The following POGK variants were observed in gnomAD, a reference collection of about 807,000 sequenced individuals.
POGK encodes pogo transposable element derived with KRAB domain, also known as pogo transposable element with KRAB domain.
A neutral mutation model predicts 54.4 loss-of-function variants in POGK; 16 were observed. The ratio of observed to expected loss-of-function variants is 0.29; its 90% CI spans 0.20 to 0.45. The LOEUF (loss-of-function observed/expected upper bound fraction) is 0.45. POGK is among the 20% of genes least tolerant of loss of function. The probability of loss-of-function intolerance (pLI) is 1.00; values close to 1 mark genes in which losing one functional copy is unlikely to be tolerated. For missense variants in POGK, 515 were observed against 795.6 expected, an observed-to-expected ratio of 0.65 and a Z score of 4.24; for synonymous variants, 271 against 302.2, an observed-to-expected ratio of 0.90 and a Z score of 1.07.
rs147957739 is a variant in POGK at position 166,855,033 on chromosome 1, G to A, written c.*2463G>A. 5.4e-4 allele frequency: 81 copies of A among 150,826 alleles called. No individual in the cohort carries two copies. The highest frequency in any genetic ancestry group is 1.9e-3 in the African/African-American group (77 of 40,168). 9.3% of individuals were successfully genotyped at this position (150,826 alleles called of 1,614,324 possible). A position where few individuals can be genotyped will look rare whatever the true frequency, so the allele number is the denominator to read the frequency against. ...ATGGTAGGACACGGCATTTACCTGT[G>A]GTCATCACTTCAGGCAATGGAAAGG... is the stretch of plus-strand genomic sequence containing the variant. On this transcript the variant is annotated 3_prime_UTR_variant, in exon 6 of 6. Transcript: ENST00000367876.
intron 2 of POGK, among the ~76,000 whole-genome samples, chr1:166,844,726 A>G (rs1412516944): frequency 6.6e-6 from 1 of 152,250 alleles, no homozygotes; most frequent in East Asian, 1.9e-4. Context: ...GAGTAAGTAC[A>G]GGTCCTGCTT....
At chr1:166,841,451 T>G (rs927704672) in intron 2 of POGK, among the ~76,000 whole-genome samples, 1 of 152,154 alleles carries the variant, frequency 6.6e-6, no homozygotes, top group Non-Finnish European at 1.5e-5. Flanking sequence ...TAAATAAGAC[T>G]CGAGTCATTG....
chr1:166,855,007 C>G lies in POGK; in HGVS notation c.*2437C>G, dbSNP rs907273549. 1.3e-5 allele frequency: 2 copies of G among 152,178 alleles called. No homozygotes were observed. The highest frequency in any genetic ancestry group is 4.8e-5 in the African/African-American group (2 of 41,434). 9.4% of individuals were successfully genotyped at this position (152,178 alleles called of 1,614,324 possible). A position where few individuals can be genotyped will look rare whatever the true frequency, so the allele number is the denominator to read the frequency against. On this transcript the variant is annotated 3_prime_UTR_variant, in exon 6 of 6. Coordinates refer to ENST00000367876, the MANE Select transcript of POGK (RefSeq NM_017542.5). ...GAGGCATTTTGGAATGAGTCAAAGG[C>G]ATGGTAGGACACGGCATTTACCTGT... is the stretch of plus-strand genomic sequence containing the variant.
Position 166,846,694 on chromosome 1 carries a change from A to G in POGK, c.215A>G (p.Tyr72Cys), listed in dbSNP as rs1413886754. The G allele has an allele frequency of 6.2e-7, 1 of 1,614,140 alleles. No homozygotes were observed. Among genetic ancestry groups the G allele is most frequent in the East Asian group, 2.2e-5 (1 of 44,880 alleles). Residue 72 changes from tyrosine to cysteine, a missense_variant, in exon 3 of 6, where the codon TAC becomes TGC. Transcript: ENST00000367876. ...EVLTEQQKAL[Y>C]REVMRMNYET... ...TTGACGGAGCAACAAAAGGCCCTCT[A>G]CCGGGAAGTCATGAGGATGAATTAT...
chr1:166,848,142 G>A (rs954641686), intron 4 of POGK, among the ~76,000 whole-genome samples: 17 of 152,134 alleles, frequency 1.1e-4, no homozygotes, highest in African/African-American at 2.9e-4. Context: ...TCTTTTCTCC[G>A]GAAGTAAGAG....
At chr1:166,839,700 C>T (rs1465693285) in intron 1 of POGK, 96 bp downstream of exon 1, 1 of 51,124 alleles carries the variant, frequency 2.0e-5, no homozygotes, top group Non-Finnish European at 4.2e-5. Context: ...GAGGCTGCGC[C>T]GCCGCCGCCG....
rs1658143365 is a variant in POGK, at chr1:166,853,160, A to C, written c.*590A>C. 1 of 152,674 alleles carries C rather than the reference A, an allele frequency of 6.5e-6. No homozygotes were observed. Among genetic ancestry groups the C allele is most frequent in the Non-Finnish European group, 1.5e-5 (1 of 68,048 alleles). The allele number at this position is 152,674 out of a possible 1,614,324, so 9.5% of individuals were successfully genotyped here. ...AAAATGAGATACTTAGAATAACAAG[A>C]AAATTAAGACATACTGGCCTGGTGC... On this transcript the variant is annotated 3_prime_UTR_variant, in exon 6 of 6. Coordinates refer to ENST00000367876, the MANE Select transcript of POGK (RefSeq NM_017542.5).
chr1:166,848,831 G>T, intron 4 of POGK, 107 bp from the exon 5 acceptor site: 1 of 1,399,048 alleles, frequency 7.1e-7, no homozygotes, highest in African/African-American at 1.4e-5. Context: ...TACTACTTTT[G>T]GTGAACTTCA....
At chr1:166,847,648 A>AT (rs1013108874) in intron 4 of POGK, 56 bp downstream of exon 4, 2 of 1,360,620 alleles carry the variant, frequency 1.5e-6, no homozygotes, top group Non-Finnish European at 2.1e-6. Flanking sequence ...GTGGAGTGGG[A>AT]TTTTCAGTGT....
intron 2 of POGK, among the ~76,000 whole-genome samples, chr1:166,843,295 G>A (rs1460317309): frequency 6.6e-6 from 1 of 152,188 alleles, no homozygotes; most frequent in Non-Finnish European, 1.5e-5. Flanking sequence ...GCCAGGCCAG[G>A]GGCCAGAGCC....
At position 166,849,051 on chromosome 1, in the gene POGK, A is replaced by G. The variant is rs770518724; in HGVS notation, c.472A>G (p.Ile158Val). 111 of 1,614,068 alleles carry G rather than the reference A, an allele frequency of 6.9e-5. 1 individual carries two copies. Among genetic ancestry groups the G allele is most frequent in the Non-Finnish European group, 9.4e-5 (111 of 1,180,046 alleles). Residue 158 changes from isoleucine to valine, a missense_variant, in exon 5 of 6, where the codon ATC becomes GTC. By Grantham distance (29) the Ile-to-Val change is conservative. Transcript: ENST00000367876. ...CTTTGGCCTCCGTCTGCCTCGGGAT[A>G]TCACAGAGCTGCCCGAGTGGAGTGA... ...DSFGLRLPRD[I>V]TELPEWSEGY...
rs538221714 is a variant in POGK at position 166,847,355 on chromosome 1, T to G, written c.260-139T>G. On this transcript the variant is annotated intron_variant, in intron 3 of 5. Transcript: ENST00000367876. ...ACCTATTTTCCATTATCTTTTTTCT[T>G]TAAGTATCCCTGAGCCTTTTTCCCC... 4.8e-6 allele frequency: 3 copies of G among 625,318 alleles called. No individual in the cohort carries two copies. The South Asian group carries it at 7.1e-5, about 15-fold the overall frequency. The allele number at this position is 625,318 out of a possible 1,614,324, so 38.7% of individuals were successfully genotyped here. A position where few individuals can be genotyped will look rare whatever the true frequency, so the allele number is the denominator to read the frequency against.
chr1:166,843,025 A>G (rs1204609403), intron 2 of POGK, among the ~76,000 whole-genome samples: 1 of 152,274 alleles, frequency 6.6e-6, no homozygotes, highest in East Asian at 1.9e-4. Flanking sequence ...CATAAGAACT[A>G]TGATAATATA....
At chr1:166,848,487 A>G (rs1046411675) in intron 4 of POGK, among the ~76,000 whole-genome samples, 1 of 152,224 alleles carries the variant, frequency 6.6e-6, no homozygotes, top group Non-Finnish European at 1.5e-5. Flanking sequence ...TCTTGGTTCT[A>G]AAGGGATATG....
intron 2 of POGK, among the ~76,000 whole-genome samples, chr1:166,845,391 C>T (rs1293983126): frequency 6.6e-6 from 1 of 151,954 alleles, no homozygotes; most frequent in African/African-American, 2.4e-5. Context: ...GTATCTACTC[C>T]TCCACAGGCC....
intron 1 of POGK, chr1:166,839,810 C>G (rs918563570): frequency 2.0e-5 from 3 of 149,298 alleles, no homozygotes; most frequent in Admixed American, 6.7e-5. Context: ...GGAGGCGGGC[C>G]GGGCGGAGGG....
intron 2 of POGK, 138 bp downstream of exon 2, chr1:166,841,226 C>T (rs1186788481): frequency 1.7e-6 from 2 of 1,194,726 alleles, no homozygotes; most frequent in Non-Finnish European, 2.3e-6. Context: ...GAGAAAACAG[C>T]TCTGTGGCTT....
Position 166,849,813 on chromosome 1 carries a change from C to A in POGK, c.1234C>A (p.Pro412Thr). The A allele has an allele frequency of 6.2e-7, 1 of 1,614,260 alleles. No homozygotes were observed. The highest frequency in any genetic ancestry group is 1.1e-5 in the South Asian group (1 of 91,088). The change falls in exon 5 of 6, where the codon CCA (proline) becomes ACA (threonine). Residue 412 changes from proline (P) to threonine (T), a missense_variant. By Grantham distance (38) the Pro-to-Thr change is conservative. Around this residue, in one of 2 missense-constraint regions of POGK, gnomAD observed 461 missense variants for 743.5 expected, o/e 0.62. Transcript: ENST00000367876. The stretch of plus-strand genomic sequence containing the variant: ...TGTCTTGGCTGATGGGAGGAAGTTA[C>A]CACCGTACATCATTTTGAGGGGAAC... ...LGVLADGRKL[P>T]PYIILRGTYI...
At chr1:166,851,833 A>G (rs1418057916) in intron 5 of POGK, 1 of 152,232 alleles carries the variant, frequency 6.6e-6, no homozygotes, top group South Asian at 2.1e-4. Flanking sequence ...TTAAAGTATA[A>G]TTAGGTATTT....
Sources: gnomAD v4.1 joint callset for allele counts (sites outside exome capture counted in the v4.1 genomes callset) on GRCh38, gnomAD v4.1.1 for gene constraint, gnomAD v4.1.1 regional missense constraint, MANE v1.5 for transcripts, NCBI Gene and HGNC (gene_info 2026-07-23, HGNC 2026-07-21) for gene names.